Variants in HMCN2 observed in about 807,000 individuals in gnomAD.
The protein encoded by HMCN2 is hemicentin 2.
Under a neutral mutation model 377.5 loss-of-function variants are expected in HMCN2, and 325 were observed. That is an observed-to-expected ratio of 0.86 (90% CI 0.79 to 0.94). HMCN2 has a LOEUF of 0.94. Ranked by LOEUF, HMCN2 falls within the 40% of genes least tolerant of loss-of-function variation. The pLI is 0.00. For synonymous variants in HMCN2, 2,007 were observed against 2,046.8 expected (o/e 0.98, Z 0.53); for missense variants, 4,543 against 4,725.3 (o/e 0.96, Z 1.13).
intron 28 of HMCN2, 76 bp downstream of exon 28, chr9:130,349,207 G>A (rs1839561147): frequency 1.6e-6 from 2 of 1,252,382 alleles, no homozygotes; most frequent in Non-Finnish European, 2.1e-6. Flanking sequence ...CACACCGGGG[G>A]AGAGGGTAGA....
intron 22 of HMCN2, among the ~76,000 whole-genome samples, chr9:130,334,818 T>C (rs1430206595): frequency 2.1e-5 from 3 of 145,386 alleles, no homozygotes; most frequent in African/African-American, 2.5e-5. Flanking sequence ...CTCTCTCTCC[T>C]CTCTCTCTCT....
intron 21 of HMCN2, among the ~76,000 whole-genome samples, chr9:130,326,766 C>G (rs904129744): frequency 0.014 from 2,158 of 152,004 alleles, 19 homozygotes; most frequent in Middle Eastern, 0.037. Context: ...AGGCGGGGAG[C>G]GGGGAGGAAG....
chr9:130,379,286 A>T lies in HMCN2; in HGVS notation c.8250A>T (p.Ala2750=). The part of the protein sequence containing the change: ...PMFQKVGDFS[A]AFEILSREEE... ...TCCAGAAGGTGGGTGATTTCAGTGC[A>T]GCCTTCGAGATCCTGTCCCGGGAGG... is the stretch of plus-strand genomic sequence containing the variant. Residue 2750 remains alanine, a synonymous_variant, in exon 54 of 98, where the codon GCA becomes GCT. Transcript: ENST00000683500. 1 of 985,542 alleles carries T rather than the reference A, an allele frequency of 1.0e-6. No individual in the cohort carries two copies. The highest frequency in any genetic ancestry group is 4.7e-5 in the South Asian group (1 of 21,266). 61.0% of individuals were successfully genotyped at this position (985,542 alleles called of 1,614,324 possible).
chr9:130,411,116 C>T (rs1843383908), intron 85 of HMCN2, among the ~76,000 whole-genome samples: 1 of 151,968 alleles, frequency 6.6e-6, no homozygotes, highest in African/African-American at 2.4e-5. Flanking sequence ...GCAACCAGAT[C>T]AAAGAAATAG....
rs1837607454 is a variant in HMCN2, at chr9:130,317,225, A to T, written c.2351-2270A>T. Among the ~76,000 whole-genome samples, 3 of 152,102 alleles carry T rather than the reference A, an allele frequency of 2.0e-5. No homozygotes were observed. The South Asian group carries it at 6.2e-4, about 32-fold the overall frequency. ...GCCCTGCCACTGGCTTCAAGCTGTG[A>T]CCTTGGGCAGGTTCCTTCATCTCTC... On this transcript the variant is annotated intron_variant, in intron 15 of 97. Transcript: ENST00000683500.
In HMCN2 at chr9:130,287,934, G is replaced by A. The variant is rs1835507281; in HGVS notation, c.612+1624G>A. Among the ~76,000 whole-genome samples, 3 of 152,200 alleles carry A rather than the reference G, an allele frequency of 2.0e-5. No homozygotes were observed. The South Asian group carries it at 6.2e-4, about 31-fold the overall frequency. ...GCTGCAGAGAGCTATCTCCAGGAGT[G>A]TGTTTAGATTAGCGTGCCTTAACTC... is the stretch of plus-strand genomic sequence containing the variant. On this transcript the variant is annotated intron_variant, in intron 4 of 97. Transcript: ENST00000683500.
intron 89 of HMCN2, 102 bp downstream of exon 89, chr9:130,425,232 G>A: frequency 7.6e-7 from 1 of 1,316,102 alleles, no homozygotes; most frequent in South Asian, 1.5e-5. Context: ...TCTCCCTTCT[G>A]ACAGCGCTGC....
At chr9:130,339,429 A>G (rs1415099296) in intron 23 of HMCN2, among the ~76,000 whole-genome samples, 2 of 152,228 alleles carry the variant, frequency 1.3e-5, no homozygotes, top group African/African-American at 2.4e-5. Flanking sequence ...TGAGGCCCAG[A>G]GTGGGAAGGG....
intron 93 of HMCN2, 126 bp from the exon 94 acceptor site, chr9:130,429,431 C>T: frequency 8.1e-7 from 1 of 1,241,350 alleles, no homozygotes; most frequent in Non-Finnish European, 1.1e-6. Flanking sequence ...GCCATGCAGC[C>T]TGGTGGCACT....
Position 130,430,367 on chromosome 9 carries a change from C to T in HMCN2, c.14410C>T (p.Pro4804Ser). Residue 4804 changes from proline (P) to serine (S), a missense_variant, in exon 95 of 98, where the codon CCA becomes TCA. By Grantham distance (74) the Pro-to-Ser change is moderately conservative. Coordinates refer to ENST00000683500, the MANE Select transcript of HMCN2 (RefSeq NM_001291815.2). Reference sequence around the variant, plus strand: ...GGGCAGCTACCGCTGCCTGTGCCCCCCAGGCCAGACCCTCCTTCGCGACGG... The same window carrying T: ...GGGCAGCTACCGCTGCCTGTGCCCCTCAGGCCAGACCCTCCTTCGCGACGG... ...LQGSYRCLCP[P>S]GQTLLRDGKA... 1.3e-6 allele frequency: 2 copies of T among 1,549,672 alleles called. No individual in the cohort carries two copies. The highest frequency in any genetic ancestry group is 1.4e-5 in the African/African-American group (1 of 73,176).
At chr9:130,403,622 G>A (rs1842957347) in intron 79 of HMCN2, 119 bp from the exon 80 acceptor site, 19 of 1,097,366 alleles carry the variant, frequency 1.7e-5, no homozygotes, top group Non-Finnish European at 2.1e-5. Flanking sequence ...CTGTCCCTTG[G>A]TCATTCTGTG....
intron 94 of HMCN2, 80 bp from the exon 95 acceptor site, chr9:130,430,204 A>G: frequency 8.5e-7 from 1 of 1,170,732 alleles, no homozygotes; most frequent in African/African-American, 1.5e-5. Flanking sequence ...AACAAGAGAG[A>G]AGGCAGGGCC....
At chr9:130,418,571 G>A (rs1005346396) in intron 85 of HMCN2, among the ~76,000 whole-genome samples, 1 of 152,050 alleles carries the variant, frequency 6.6e-6, no homozygotes, top group African/African-American at 2.4e-5. Context: ...AAGCAGATAC[G>A]GCCATATGAT....
At chr9:130,355,916 T>C (rs1311014054) in intron 33 of HMCN2, 62 bp downstream of exon 33, 8 of 1,087,078 alleles carry the variant, frequency 7.4e-6, no homozygotes, top group African/African-American at 1.6e-5. Context: ...CTTTGCGGAT[T>C]GTGGGGGGAA....
At position 130,424,170 on chromosome 9, in the gene HMCN2, T is replaced by TA. The variant is rs904483752; in HGVS notation, c.13382-606_13382-605insA. 4.3e-3 allele frequency among the ~76,000 whole-genome samples: 373 copies of TA among 86,538 alleles called. 1 individual carries two copies. Among genetic ancestry groups the TA allele is most frequent in the Middle Eastern group, 0.02 (4 of 198 alleles). The allele number at this position is 86,538 out of a possible 152,430, so 56.8% of individuals were successfully genotyped here. ...TAATGTCCATATATATATATATATA[T>TA]TTTTTTTTTTTTTAATTTTTTTTTT... On this transcript the variant is annotated intron_variant, in intron 87 of 97. Coordinates refer to ENST00000683500, the MANE Select transcript of HMCN2 (RefSeq NM_001291815.2).
At chr9:130,286,722 G>A (rs1026173472) in intron 4 of HMCN2, among the ~76,000 whole-genome samples, 5 of 152,224 alleles carry the variant, frequency 3.3e-5, no homozygotes, top group Non-Finnish European at 7.3e-5. Context: ...GGGAACCTGC[G>A]GTGGGTGGAG....
At chr9:130,268,049 G>A (rs1222192401) in intron 1 of HMCN2, among the ~76,000 whole-genome samples, 2 of 152,372 alleles carry the variant, frequency 1.3e-5, no homozygotes, top group East Asian at 3.9e-4. Flanking sequence ...CCACCTGCCA[G>A]GGTGGCGTCA....
chr9:130,376,169 T>G (rs1841365321), intron 51 of HMCN2, among the ~76,000 whole-genome samples, 180 bp downstream of exon 51: 1 of 152,106 alleles, frequency 6.6e-6, no homozygotes, highest in Admixed American at 6.5e-5. Context: ...AACAGTGAGT[T>G]AGGGCATGTG....
chr9:130,334,917 C>T (rs1286223471), intron 22 of HMCN2, among the ~76,000 whole-genome samples: 1 of 151,684 alleles, frequency 6.6e-6, no homozygotes, highest in Non-Finnish European at 1.5e-5. Flanking sequence ...ACAACCAGAG[C>T]TCTCAATCTC....
Sources: allele counts gnomAD v4.1 joint callset (sites outside exome capture counted in the v4.1 genomes callset), GRCh38; gene constraint gnomAD v4.1.1; transcripts MANE v1.5; gene names NCBI Gene and HGNC (gene_info 2026-07-23, HGNC 2026-07-21).